MGAT3: variants seen among roughly 807,000 people sequenced by gnomAD.
MGAT3 encodes GlcNAc-T III.
MGAT3 carries 9 observed loss-of-function variants against 29.8 expected under a neutral mutation model. The observed-to-expected ratio is 0.30, with a 90% confidence interval of 0.18 to 0.53. The LOEUF is 0.53. Among genes scored for constraint, MGAT3 ranks in the 20% least tolerant of loss-of-function variants. MGAT3 has a pLI of 0.96. For missense variants in MGAT3, 557 were observed against 769.5 expected, an observed-to-expected ratio of 0.72 and a Z score of 3.27; for synonymous variants, 397 against 348.9, an observed-to-expected ratio of 1.14 and a Z score of -1.54.
chr22:39,489,144 C>T lies in MGAT3; in HGVS notation c.*195C>T. The T allele has an allele frequency of 1.3e-6, 1 of 795,586 alleles. No homozygotes were observed. Among genetic ancestry groups the T allele is most frequent in the East Asian group, 2.7e-5 (1 of 37,066 alleles). 49.3% of individuals were successfully genotyped at this position (795,586 alleles called of 1,614,324 possible). A position where few individuals can be genotyped will look rare whatever the true frequency, so the allele number is the denominator to read the frequency against. ...CCTTTGAGCTCAGAAAATATCCCTC[C>T]TGTTGGGAGAGGGCGCAGGCCGTGA... On this transcript the variant is annotated 3_prime_UTR_variant, in exon 2 of 2. Transcript: ENST00000341184.
chr22:39,470,586 A>G (rs1369030154), intron 1 of MGAT3, among the ~76,000 whole-genome samples: 1 of 152,184 alleles, frequency 6.6e-6, no homozygotes, highest in East Asian at 1.9e-4. Flanking sequence ...TGGCTGCTGC[A>G]GAGGCAGGAG....
intron 1 of MGAT3, chr22:39,477,884 T>A (rs1033153976): frequency 6.6e-6 from 1 of 152,234 alleles, no homozygotes; most frequent in Admixed American, 6.5e-5. Flanking sequence ...ACAACAACCC[T>A]GTGAGACAGA....
intron 1 of MGAT3, among the ~76,000 whole-genome samples, chr22:39,458,941 G>A (rs994627919): frequency 1.3e-5 from 2 of 152,172 alleles, no homozygotes; most frequent in African/African-American, 2.4e-5. Context: ...TCCTGAGGAC[G>A]GCAGGGAGCC....
intron 1 of MGAT3, among the ~76,000 whole-genome samples, chr22:39,461,963 A>C (rs1928511912): frequency 6.7e-6 from 1 of 149,774 alleles, no homozygotes; most frequent in Non-Finnish European, 1.5e-5. Flanking sequence ...GTGCAGTGGC[A>C]TGATCTCGGC....
At chr22:39,480,748 T>C (rs1929099500) in intron 1 of MGAT3, among the ~76,000 whole-genome samples, 1 of 152,238 alleles carries the variant, frequency 6.6e-6, no homozygotes. Flanking sequence ...AGACAGATGC[T>C]GGCTGCAAGC....
At chr22:39,463,803 C>A (rs1304238456) in intron 1 of MGAT3, among the ~76,000 whole-genome samples, 1 of 151,894 alleles carries the variant, frequency 6.6e-6, no homozygotes, top group East Asian at 1.9e-4. Flanking sequence ...ATAGCCTCAT[C>A]TACTTGGAAG....
intron 1 of MGAT3, among the ~76,000 whole-genome samples, chr22:39,485,497 A>G (rs1929245245): frequency 1.3e-5 from 2 of 152,178 alleles, no homozygotes; most frequent in African/African-American, 2.4e-5. Flanking sequence ...TCTAAAATTA[A>G]AAGTTTATTT....
At position 39,487,786 on chromosome 22, in the gene MGAT3, CG is replaced by C. The variant is rs1929324739; in HGVS notation, c.441del (p.Pro148HisfsTer6). The C allele has an allele frequency of 6.7e-7, 1 of 1,489,308 alleles. No individual in the cohort carries two copies. 92.3% of individuals were successfully genotyped at this position (1,489,308 alleles called of 1,614,324 possible). A position where few individuals can be genotyped will look rare whatever the true frequency, so the allele number is the denominator to read the frequency against. On this transcript the variant is annotated frameshift_variant, in exon 2 of 2. Coordinates refer to ENST00000341184, the MANE Select transcript of MGAT3 (RefSeq NM_002409.5). LOFTEE classifies it high-confidence loss of function. This position sits in a 1 kb window ranked among gnomAD's most constrained non-coding sequence, Gnocchi z 5.7. ...PEGANGSSAR[R>X]PPRYLLSARE... ...GGGGGCCAACGGCTCCTCGGCCCGG[CG>C]GCCACCCCGGTACCTCCTGAGCGCC...
intron 1 of MGAT3, among the ~76,000 whole-genome samples, chr22:39,473,727 G>T (rs1210719833): frequency 6.6e-6 from 1 of 151,970 alleles, no homozygotes; most frequent in Non-Finnish European, 1.5e-5. Flanking sequence ...TCCCCAAGGA[G>T]GTGGTGCAGG....
chr22:39,469,088 G>A (rs1323668084), intron 1 of MGAT3, among the ~76,000 whole-genome samples: 1 of 150,210 alleles, frequency 6.7e-6, no homozygotes, highest in South Asian at 2.1e-4. Flanking sequence ...TGGGAAGTGC[G>A]GGCAGTGGGA....
In MGAT3 at chr22:39,487,736, C is replaced by G. The variant is rs754879346; in HGVS notation, c.389C>G (p.Pro130Arg). 8.4e-6 allele frequency: 13 copies of G among 1,542,590 alleles called. No individual in the cohort carries two copies. The highest frequency in any genetic ancestry group is 1.1e-5 in the Non-Finnish European group (13 of 1,147,764). Reference sequence around the variant, plus strand: ...ACCAAGATGCTGGAGAGGCCGCCCCCGGGACGGCCGGAGGAGAAGCCTGAG... The same window carrying G: ...ACCAAGATGCTGGAGAGGCCGCCCCGGGGACGGCCGGAGGAGAAGCCTGAG... ...PGTKMLERPP[P>R]GRPEEKPEGA... is the part of the protein sequence containing the mutation. Residue 130 changes from proline (P) to arginine (R), a missense_variant, in exon 2 of 2, where the codon CCG (proline) becomes CGG (arginine). Physicochemically the swap from Pro to Arg is moderately radical, Grantham distance 103. Transcript: ENST00000341184. The surrounding 1 kb of genome is among the most constrained non-coding windows in gnomAD (Gnocchi z 5.7).
chr22:39,474,052 A>G (rs1271271852), intron 1 of MGAT3, among the ~76,000 whole-genome samples: 1 of 152,032 alleles, frequency 6.6e-6, no homozygotes, highest in Non-Finnish European at 1.5e-5. Context: ...GACACGGCGC[A>G]CTGTCCAGGG....
intron 1 of MGAT3, among the ~76,000 whole-genome samples, chr22:39,476,124 G>A (rs1056930949): frequency 2.0e-5 from 3 of 151,930 alleles, no homozygotes; most frequent in Non-Finnish European, 4.4e-5. Context: ...CAGCCTGCAG[G>A]GAGCTGGGAT....
At position 39,457,055 on chromosome 22, in the gene MGAT3, C is replaced by G. The variant is rs1255427108; in HGVS notation, c.-504C>G. Among the ~76,000 whole-genome samples, 1 of 150,422 alleles carries G rather than the reference C, an allele frequency of 6.6e-6. No individual in the cohort carries two copies. The highest frequency in any genetic ancestry group is 1.5e-5 in the Non-Finnish European group (1 of 67,504). On this transcript the variant is annotated 5_prime_UTR_variant, in exon 1 of 2. Coordinates refer to ENST00000341184, the MANE Select transcript of MGAT3 (RefSeq NM_002409.5). The surrounding 1 kb of genome is among the most constrained non-coding windows in gnomAD (Gnocchi z 6.8). ...GCACACGCACACACTCGATCCAGCA[C>G]GCGCGGGCGGCGCGGGGCGGCGGCG...
Position 39,488,182 on chromosome 22 carries a change from C to T in MGAT3, c.835C>T (p.Pro279Ser), listed in dbSNP as rs778421805. 5 of 1,612,996 alleles carry T rather than the reference C, an allele frequency of 3.1e-6. No homozygotes were observed. The highest frequency in any genetic ancestry group is 4.2e-6 in the Non-Finnish European group (5 of 1,179,948). Residue 279 changes from proline to serine, a missense_variant, in exon 2 of 2, where the codon CCC becomes TCC. Pro to Ser is a moderately conservative substitution (Grantham distance 74). This residue lies in a region of MGAT3 where 243 missense variants were observed against 444.0 expected (regional missense o/e 0.55). Transcript: ENST00000341184. ...VLYVFLDHFP[P>S]GGRQDGWIAD... ...CTATGTCTTCCTGGACCACTTCCCGCCCGGCGGCCGGCAGGACGGCTGGAT... is the reference window on the plus strand; with the variant it reads ...CTATGTCTTCCTGGACCACTTCCCGTCCGGCGGCCGGCAGGACGGCTGGAT...
At chr22:39,460,352 C>T (rs1252516248) in intron 1 of MGAT3, among the ~76,000 whole-genome samples, 1 of 152,136 alleles carries the variant, frequency 6.6e-6, no homozygotes, top group African/African-American at 2.4e-5. Flanking sequence ...CTCCACCTAG[C>T]CCTGTGCTGG....
At chr22:39,486,243 G>A in intron 1 of MGAT3, 2 of 388,672 alleles carry the variant, frequency 5.1e-6, no homozygotes, top group Non-Finnish European at 1.0e-5. Flanking sequence ...CGCCCCCTGG[G>A]TTCAAGTAAT....
chr22:39,466,182 G>T (rs1928640241), intron 1 of MGAT3, among the ~76,000 whole-genome samples: 1 of 152,156 alleles, frequency 6.6e-6, no homozygotes, highest in Non-Finnish European at 1.5e-5. Flanking sequence ...CCAGAAAAAT[G>T]CAGTTGTATT....
In MGAT3 at chr22:39,488,386, T is replaced by C; in HGVS notation, c.1039T>C (p.Ser347Pro). 6.2e-7 allele frequency: 1 copy of C among 1,612,932 alleles called. No homozygotes were observed. The highest frequency in any genetic ancestry group is 8.5e-7 in the Non-Finnish European group (1 of 1,180,020). ...TEPFAFHMRK[S>P]LYGFFWKQPG... is the part of the protein sequence containing the mutation. The stretch of plus-strand genomic sequence containing the variant: ...GCCCTTCGCCTTCCACATGCGCAAG[T>C]CGCTCTACGGCTTCTTCTGGAAGCA... Residue 347 changes from serine to proline, a missense_variant, in exon 2 of 2, where the codon TCG (serine) becomes CCG (proline). Transcript: ENST00000341184.
Sources: gnomAD v4.1 joint callset for allele counts (sites outside exome capture counted in the v4.1 genomes callset) on GRCh38, gnomAD v4.1.1 for gene constraint, gnomAD v4.1.1 regional missense constraint, Gnocchi (gnomAD v3.1) non-coding constraint, MANE v1.5 for transcripts, NCBI Gene and HGNC (gene_info 2026-07-23, HGNC 2026-07-21) for gene names.